The following CPQ variants were observed in gnomAD, a reference collection of about 807,000 sequenced individuals.
CPQ encodes the protein carboxypeptidase Q.
Under a neutral mutation model 45.7 loss-of-function variants are expected in CPQ, and 37 were observed. The observed-to-expected ratio is 0.81, with a 90% CI of 0.62 to 1.07. CPQ has a LOEUF of 1.07. CPQ is among the 50% of genes least tolerant of loss of function. CPQ has a pLI of 0.00. For synonymous variants in CPQ, 186 were observed against 205.8 expected, an observed-to-expected ratio of 0.90 and a Z score of 0.82; for missense variants, 537 against 572.9, an observed-to-expected ratio of 0.94 and a Z score of 0.64.
At position 96,855,376 on chromosome 8, in the gene CPQ, C is replaced by G. The variant is rs1210729466; in HGVS notation, c.641+20196C>G. ...AGGGCTGGGAACAGCAGTTCATGAT[C>G]TGGTATCAGATCATGAACCCAGGGG... On this transcript the variant is annotated intron_variant, in intron 3 of 7. Transcript: ENST00000220763. 1.3e-5 allele frequency among the ~76,000 whole-genome samples: 2 copies of G among 152,242 alleles called. 1 individual carries two copies. Among genetic ancestry groups the G allele is most frequent in the East Asian group, 3.9e-4 (2 of 5,170 alleles).
chr8:96,974,811 AC>A (rs1451926623), intron 5 of CPQ, among the ~76,000 whole-genome samples: 1 of 152,140 alleles, frequency 6.6e-6, no homozygotes, highest in Non-Finnish European at 1.5e-5. Flanking sequence ...AATTTTTTGA[AC>A]TGAATAATAA....
chr8:97,087,800 A>G (rs1342431461), intron 7 of CPQ, among the ~76,000 whole-genome samples: 1 of 152,242 alleles, frequency 6.6e-6, no homozygotes, highest in East Asian at 1.9e-4. Flanking sequence ...TATTGCTAAC[A>G]TGGAATATTT....
chr8:96,727,639 G>T (rs1380151548), intron 1 of CPQ, among the ~76,000 whole-genome samples: 2 of 152,126 alleles, frequency 1.3e-5, no homozygotes, highest in Non-Finnish European at 2.9e-5. Flanking sequence ...CCAGATTCCG[G>T]ATTTTTTTTC....
At chr8:96,735,175 A>G (rs1315665964) in intron 1 of CPQ, among the ~76,000 whole-genome samples, 2 of 152,178 alleles carry the variant, frequency 1.3e-5, no homozygotes, top group African/African-American at 2.4e-5. Context: ...TAATTTTAGT[A>G]TATTATCTGT....
At chr8:97,131,901 G>A (rs922760985) in intron 7 of CPQ, among the ~76,000 whole-genome samples, 1 of 151,894 alleles carries the variant, frequency 6.6e-6, no homozygotes, top group Non-Finnish European at 1.5e-5. Flanking sequence ...AGAAACACCT[G>A]TTGCTTCTGT....
intron 1 of CPQ, among the ~76,000 whole-genome samples, chr8:96,679,239 A>T (rs779906649): frequency 6.6e-6 from 1 of 152,062 alleles, no homozygotes; most frequent in African/African-American, 2.4e-5. Flanking sequence ...GTTGGTGTTG[A>T]ACAATCCTTG....
intron 4 of CPQ, among the ~76,000 whole-genome samples, chr8:96,938,131 T>C (rs1813078226): frequency 6.6e-6 from 1 of 152,244 alleles, no homozygotes. Context: ...CGTTAACAAC[T>C]GATAACCTTC....
At chr8:96,880,801 G>T (rs1374314532) in intron 4 of CPQ, among the ~76,000 whole-genome samples, 2 of 151,746 alleles carry the variant, frequency 1.3e-5, no homozygotes, top group Non-Finnish European at 2.9e-5. Flanking sequence ...GGGAAGCAAG[G>T]TTTAAAAAAA....
In CPQ at chr8:96,685,324, T is replaced by G. The variant is rs561632323; in HGVS notation, c.-35+39922T>G. 4.6e-5 allele frequency among the ~76,000 whole-genome samples: 7 copies of G among 152,304 alleles called. No individual in the cohort carries two copies. In the South Asian group the frequency reaches 1.0e-3, roughly 23 times the overall value. ...ATCTTTATTGCTCTGAGATCTTTTT[T>G]ATAAACCATCTCATTTTTTAATGGT... On this transcript the variant is annotated intron_variant, in intron 1 of 7. Coordinates refer to ENST00000220763, the MANE Select transcript of CPQ (RefSeq NM_016134.4).
intron 4 of CPQ, among the ~76,000 whole-genome samples, chr8:96,955,173 A>G (rs1416741384): frequency 6.6e-6 from 1 of 152,134 alleles, no homozygotes; most frequent in Non-Finnish European, 1.5e-5. Flanking sequence ...GAATCGCCAC[A>G]CTGTCTTCCA....
At chr8:96,863,140 G>T (rs1811951794) in intron 3 of CPQ, among the ~76,000 whole-genome samples, 1 of 152,078 alleles carries the variant, frequency 6.6e-6, no homozygotes, top group Non-Finnish European at 1.5e-5. Context: ...AGATATGGAG[G>T]AAATAAATGA....
chr8:96,888,043 G>C (rs1812326429), intron 4 of CPQ, among the ~76,000 whole-genome samples: 1 of 152,132 alleles, frequency 6.6e-6, no homozygotes, highest in African/African-American at 2.4e-5. Context: ...CATCATCTCT[G>C]TTGGCTCTTT....
rs905599975 is a variant in CPQ at position 96,922,414 on chromosome 8, A to T, written c.849+42409A>T. The stretch of plus-strand genomic sequence containing the variant: ...AAAGCTGTTTGTTCAGCAGCATGTG[A>T]ATCGGACAGTGGGAGTTCATCAGAC... On this transcript the variant is annotated intron_variant, in intron 4 of 7. Coordinates refer to ENST00000220763, the MANE Select transcript of CPQ (RefSeq NM_016134.4). Among the ~76,000 whole-genome samples the T allele has an allele frequency of 5.9e-5, 9 of 152,328 alleles. No individual in the cohort carries two copies. In the South Asian group the frequency reaches 1.0e-3, roughly 18 times the overall value.
At chr8:97,096,858 T>C (rs1811217810) in intron 7 of CPQ, among the ~76,000 whole-genome samples, 1 of 152,216 alleles carries the variant, frequency 6.6e-6, no homozygotes, top group South Asian at 2.1e-4. Flanking sequence ...CAGGAAACTT[T>C]AAACTAACCT....
intron 1 of CPQ, among the ~76,000 whole-genome samples, chr8:96,730,862 CATACATATATAT>C (rs2130770147): frequency 3.4e-5 from 1 of 29,398 alleles, no homozygotes; most frequent in Admixed American, 4.1e-4. Context: ...ATTAACCATA[CATACATATATAT>C]ATATATATAT....
At chr8:96,987,349 C>T (rs544646025) in intron 5 of CPQ, among the ~76,000 whole-genome samples, 15 of 152,174 alleles carry the variant, frequency 9.9e-5, no homozygotes, top group African/African-American at 3.4e-4. Context: ...AGGGAAGCTT[C>T]GCTTTGGGGA....
At chr8:96,672,305 T>C (rs1285026042) in intron 1 of CPQ, among the ~76,000 whole-genome samples, 1 of 152,166 alleles carries the variant, frequency 6.6e-6, no homozygotes, top group Non-Finnish European at 1.5e-5. Context: ...GCAGCATCCC[T>C]GGGACCTGCC....
Position 97,109,054 on chromosome 8 carries a change from C to T in CPQ, c.1256-33966C>T, listed in dbSNP as rs115655552. Among the ~76,000 whole-genome samples, 443 of 152,280 alleles carry T rather than the reference C, an allele frequency of 2.9e-3. 1 individual carries two copies. The highest frequency in any genetic ancestry group is 9.1e-3 in the African/African-American group (380 of 41,552). ...GAGCATTAAATTTACCTTAGTTGAT[C>T]CACATTGCCTCATACTTACCAACTT... On this transcript the variant is annotated intron_variant, in intron 7 of 7. Coordinates refer to ENST00000220763, the MANE Select transcript of CPQ (RefSeq NM_016134.4).
At chr8:97,135,794 C>T (rs1586558237) in intron 7 of CPQ, among the ~76,000 whole-genome samples, 1 of 152,320 alleles carries the variant, frequency 6.6e-6, no homozygotes, top group African/African-American at 2.4e-5. Context: ...CACAGAACCA[C>T]AGTAGCCAGT....
Sources: gnomAD v4.1 joint callset for allele counts (sites outside exome capture counted in the v4.1 genomes callset) on GRCh38, gnomAD v4.1.1 for gene constraint, MANE v1.5 for transcripts, NCBI Gene and HGNC (gene_info 2026-07-23, HGNC 2026-07-21) for gene names.